The following RPL24 variants were observed in gnomAD, a reference collection of about 807,000 sequenced individuals.
RPL24 encodes the protein large ribosomal subunit protein eL24.
In RPL24, 7 loss-of-function variants were observed where a neutral mutation model predicts 26.4. That is an observed-to-expected ratio of 0.27 (90% confidence interval 0.15 to 0.50). The LOEUF (loss-of-function observed/expected upper bound fraction) is 0.50, where lower values mean the gene tolerates loss of function less well. Among genes scored for constraint, RPL24 ranks in the 20% least tolerant of loss-of-function variants. The pLI is 0.98. For missense variants in RPL24, 109 were observed against 194.9 expected (o/e 0.56, Z 2.62); for synonymous variants, 67 against 65.2 (o/e 1.03, Z -0.13).
chr3:101,684,776 CAAAAAAAAAAAAAAAAAAAAAAAA>C (rs57278210), intron 3 of RPL24, among the ~76,000 whole-genome samples: 6 of 53,212 alleles, frequency 1.1e-4, no homozygotes, highest in South Asian at 1.0e-3. Context: ...CCTGTCTCCC[CAAAAAAAAAAAAAAAAAAAAAAAA>C]AAAAAAAAAA....
At chr3:101,685,205 T>C (rs1937320812) in intron 3 of RPL24, among the ~76,000 whole-genome samples, 2 of 152,072 alleles carry the variant, frequency 1.3e-5, no homozygotes, top group Admixed American at 6.6e-5. Context: ...GTCACCCTAA[T>C]AGGTGTGTCA....
chr3:101,681,677 C>T (rs1937265270), intron 5 of RPL24: 2 of 158,020 alleles, frequency 1.3e-5, no homozygotes, highest in Non-Finnish European at 2.8e-5. Context: ...GAAACCATCT[C>T]AACTAAAATA....
At chr3:101,681,243 C>G in intron 5 of RPL24, 28 bp from the exon 6 acceptor site, 2 of 1,542,250 alleles carry the variant, frequency 1.3e-6, no homozygotes, top group Non-Finnish European at 1.8e-6. Context: ...AATATTACTC[C>G]ACAAAACTTT....
chr3:101,681,454 T>C (rs1023923020), intron 5 of RPL24: 8 of 499,698 alleles, frequency 1.6e-5, no homozygotes, highest in African/African-American at 7.8e-5. Context: ...AAGTGCAGTG[T>C]AGGATCCTGA....
intron 5 of RPL24, 139 bp from the exon 6 acceptor site, chr3:101,681,354 G>A (rs903956519): frequency 6.2e-6 from 4 of 645,878 alleles, no homozygotes; most frequent in African/African-American, 3.7e-5. Context: ...ATCTTTTAAT[G>A]TGACTACCCT....
chr3:101,686,317 T>G (rs539266117), intron 2 of RPL24, 165 bp downstream of exon 2: 37 of 616,064 alleles, frequency 6.0e-5, no homozygotes, highest in African/African-American at 5.3e-4. Context: ...TAATCAACAC[T>G]GGTTCACTTA....
In RPL24 at chr3:101,686,686, T is replaced by C. The variant is rs150100332; in HGVS notation, c.-10A>G. ...GTCGTGCTTACTTCATGGCGACAGC[T>C]CCACGGAAAGACAAAAGATGGCGAA... On this transcript the variant is annotated 5_prime_UTR_variant, in exon 1 of 6. Transcript: ENST00000394077. The C allele has an allele frequency of 2.5e-5, 41 of 1,614,030 alleles. No homozygotes were observed. Among genetic ancestry groups the C allele is most frequent in the Admixed American group, 2.5e-4 (15 of 60,012 alleles).
chr3:101,686,413 A>C, intron 2 of RPL24, 69 bp downstream of exon 2: 2 of 1,411,098 alleles, frequency 1.4e-6, no homozygotes, highest in Middle Eastern at 2.1e-4. Context: ...AAACCCGCCT[A>C]AACCGAATTA....
At chr3:101,683,223 T>G (rs1167086278) in intron 3 of RPL24, among the ~76,000 whole-genome samples, 1 of 151,930 alleles carries the variant, frequency 6.6e-6, no homozygotes, top group Admixed American at 6.6e-5. Flanking sequence ...TTGAAAAAAA[T>G]TATCATATTC....
At chr3:101,686,610 G>A (rs1937346792) in intron 1 of RPL24, 53 bp from the exon 2 acceptor site, 2 of 1,613,992 alleles carry the variant, frequency 1.2e-6, no homozygotes, top group Non-Finnish European at 1.7e-6. Context: ...CCATGCCAGG[G>A]ACGACAGAGA....
intron 3 of RPL24, among the ~76,000 whole-genome samples, chr3:101,684,517 G>A (rs1202987565): frequency 2.6e-5 from 4 of 151,902 alleles, no homozygotes; most frequent in East Asian, 1.9e-4. Flanking sequence ...GATGGCTCGC[G>A]CCTGTAATGC....
intron 3 of RPL24, among the ~76,000 whole-genome samples, 186 bp from the exon 4 acceptor site, chr3:101,683,093 A>G (rs1253499171): frequency 6.6e-6 from 1 of 152,252 alleles, no homozygotes; most frequent in Non-Finnish European, 1.5e-5. Context: ...TACAAATCCT[A>G]GCCATTTTTT....
At chr3:101,682,248 C>A (rs1229425851) in intron 5 of RPL24, 181 bp downstream of exon 5, 3 of 606,298 alleles carry the variant, frequency 4.9e-6, no homozygotes, top group Non-Finnish European at 9.0e-6. Context: ...CACCTGTACT[C>A]CCAGCTACTC....
chr3:101,686,082 G>T, intron 2 of RPL24, 154 bp from the exon 3 acceptor site: 1 of 602,392 alleles, frequency 1.7e-6, no homozygotes. Flanking sequence ...CACATAACTG[G>T]CAGGTAACTG....
chr3:101,683,782 C>T (rs2108339098), intron 3 of RPL24, among the ~76,000 whole-genome samples: 1 of 149,950 alleles, frequency 6.7e-6, no homozygotes, highest in South Asian at 2.1e-4. Context: ...GATCTTGGCT[C>T]ACTGCAACCT....
At chr3:101,681,667 G>A (rs995371280) in intron 5 of RPL24, 70 of 157,780 alleles carry the variant, frequency 4.4e-4, no homozygotes, top group Admixed American at 3.6e-3. Flanking sequence ...GCAACATGGC[G>A]AAACCATCTC....
At chr3:101,686,295 G>T (rs1937340971) in intron 2 of RPL24, 187 bp downstream of exon 2, 2 of 599,794 alleles carry the variant, frequency 3.3e-6, no homozygotes, top group Non-Finnish European at 5.9e-6. Flanking sequence ...GTCCGACCTG[G>T]CTCACAATAA....
At chr3:101,684,776 CAAAAAAAAAAAAAAAAAAAAAAAAAAA>C (rs57278210) in intron 3 of RPL24, among the ~76,000 whole-genome samples, 2 of 53,216 alleles carry the variant, frequency 3.8e-5, no homozygotes, top group Non-Finnish European at 3.2e-5. Flanking sequence ...CCTGTCTCCC[CAAAAAAAAAAAAAAAAAAAAAAAAAAA>C]AAAAAAAAAA....
At chr3:101,686,366 A>G (rs776436413) in intron 2 of RPL24, 116 bp downstream of exon 2, 24 of 806,562 alleles carry the variant, frequency 3.0e-5, no homozygotes, top group African/African-American at 5.2e-5. Context: ...CAGAGCGTCC[A>G]CGAAGACTTC....
Sources: gnomAD v4.1 joint callset for allele counts (sites outside exome capture counted in the v4.1 genomes callset) on GRCh38, gnomAD v4.1.1 for gene constraint, MANE v1.5 for transcripts, NCBI Gene and HGNC (gene_info 2026-07-23, HGNC 2026-07-21) for gene names.